The following GLIS3 variants were observed in gnomAD, a reference collection of about 807,000 sequenced individuals.
The protein encoded by GLIS3 is zinc finger protein GLIS3.
A neutral mutation model predicts 78.6 loss-of-function variants in GLIS3; 53 were observed. The ratio of observed to expected loss-of-function variants is 0.67; its 90% CI spans 0.54 to 0.85. The LOEUF is 0.85. GLIS3 is among the 40% of genes least tolerant of loss of function. GLIS3 has a pLI of 0.00. For synonymous variants in GLIS3, 684 were observed against 509.9 expected, an observed-to-expected ratio of 1.34 and a Z score of -4.60; for missense variants, 1,703 against 1,231.1, an observed-to-expected ratio of 1.38 and a Z score of -5.74.
At chr9:3,978,609 A>T (rs1818974829) in intron 4 of GLIS3, among the ~76,000 whole-genome samples, 1 of 151,994 alleles carries the variant, frequency 6.6e-6, no homozygotes, top group African/African-American at 2.4e-5. Context: ...TTATTTTGCA[A>T]TGTTATGTGT....
At chr9:4,300,142 G>A (rs1816999980), upstream of GLIS3, among the ~76,000 whole-genome samples, 1 of 151,658 alleles carries the variant, frequency 6.6e-6, no homozygotes, top group South Asian at 2.1e-4. Context: ...GAAGAGTGGG[G>A]GCGGGCTCGC....
chr9:4,469,418 G>C, the GLIS3 span, among the ~76,000 whole-genome samples: 1 of 152,142 alleles, frequency 6.6e-6, no homozygotes, highest in Non-Finnish European at 1.5e-5. Flanking sequence ...TAAAAGAACA[G>C]AAATTATAAC....
At chr9:3,858,028 G>T (rs960423907) in intron 8 of GLIS3, among the ~76,000 whole-genome samples, 3 of 152,128 alleles carry the variant, frequency 2.0e-5, no homozygotes, top group Admixed American at 6.5e-5. Flanking sequence ...AGATGGAGGC[G>T]GGAAGGATCT....
chr9:3,976,265 G>A (rs1032453605), intron 4 of GLIS3, among the ~76,000 whole-genome samples: 3 of 151,936 alleles, frequency 2.0e-5, no homozygotes, highest in Non-Finnish European at 4.4e-5. Flanking sequence ...AGGGGAGGCA[G>A]GTTACCTTCC....
the GLIS3 span, among the ~76,000 whole-genome samples, chr9:4,379,359 A>C: frequency 2.6e-5 from 4 of 152,254 alleles, no homozygotes; most frequent in African/African-American, 9.6e-5. Flanking sequence ...TTAAAATGTT[A>C]TAATTTCTCA....
In GLIS3 at chr9:4,118,248, G is replaced by A. The variant is rs1009493092; in HGVS notation, c.1230C>T (p.His410=). The change falls in exon 4 of 11, where the codon CAC becomes CAT. Residue 410 remains histidine, a synonymous_variant. Coordinates refer to ENST00000381971, the MANE Select transcript of GLIS3 (RefSeq NM_001042413.2). The surrounding 1 kb of genome is among the most constrained non-coding windows in gnomAD (Gnocchi z 4.7). ...HGGLQPGLVN[H]MVVQHGLPGP... Reference sequence around the variant, plus strand: ...CCGGCAGGCCATGCTGCACCACCATGTGGTTGACCAGGCCTGGCTGCAGGC... The same window carrying A: ...CCGGCAGGCCATGCTGCACCACCATATGGTTGACCAGGCCTGGCTGCAGGC... 1.3e-6 allele frequency: 2 copies of A among 1,591,306 alleles called. No homozygotes were observed. Among genetic ancestry groups the A allele is most frequent in the Admixed American group, 1.7e-5 (1 of 57,480 alleles).
intron 2 of GLIS3, among the ~76,000 whole-genome samples, chr9:4,332,626 C>G (rs530816741): frequency 6.6e-6 from 1 of 152,316 alleles, no homozygotes; most frequent in East Asian, 1.9e-4. Flanking sequence ...TTAGGGCAGA[C>G]AACAGTATAC....
At chr9:4,392,785 C>T in the GLIS3 span, among the ~76,000 whole-genome samples, 7 of 152,168 alleles carry the variant, frequency 4.6e-5, no homozygotes, top group Admixed American at 6.5e-5. Context: ...GCCCTATTCT[C>T]TGAGTCAATC....
At chr9:4,340,188 TTTTAATTACCACAG>T (rs1284925228) in intron 2 of GLIS3, among the ~76,000 whole-genome samples, 1 of 151,964 alleles carries the variant, frequency 6.6e-6, no homozygotes, top group Non-Finnish European at 1.5e-5. Flanking sequence ...CATGGCCAAC[TTTTAATTACCACAG>T]GGGAACAGAG....
chr9:3,953,739 T>C (rs1041919096), intron 4 of GLIS3, among the ~76,000 whole-genome samples: 14 of 150,474 alleles, frequency 9.3e-5, no homozygotes, highest in South Asian at 8.5e-4. Context: ...TGGAGGAATA[T>C]TGCCAATGAT....
chr9:4,206,055 G>C (rs1189586490), intron 2 of GLIS3, among the ~76,000 whole-genome samples: 2 of 152,154 alleles, frequency 1.3e-5, no homozygotes, highest in Non-Finnish European at 2.9e-5. Flanking sequence ...GAAGAGAAGA[G>C]TTGAAGGTAT....
intron 3 of GLIS3, among the ~76,000 whole-genome samples, chr9:4,123,102 G>C (rs1472278684): frequency 6.6e-6 from 1 of 151,908 alleles, no homozygotes; most frequent in Non-Finnish European, 1.5e-5. Flanking sequence ...CCCAAAGGAG[G>C]TCAAAAGAAA....
At chr9:4,383,225 C>T in the GLIS3 span, among the ~76,000 whole-genome samples, 1 of 152,216 alleles carries the variant, frequency 6.6e-6, no homozygotes, top group Admixed American at 6.5e-5. Context: ...TTCTGTAGAA[C>T]AAGTTTCAGA....
At chr9:4,208,955 T>C (rs976323836) in intron 2 of GLIS3, among the ~76,000 whole-genome samples, 1 of 152,354 alleles carries the variant, frequency 6.6e-6, no homozygotes, top group East Asian at 1.9e-4. Context: ...GCTTCTCTGA[T>C]GGTGCACTTC....
At chr9:4,163,678 A>G (rs141132294) in intron 2 of GLIS3, among the ~76,000 whole-genome samples, 1,752 of 152,332 alleles carry the variant, frequency 0.012, 37 homozygotes, top group African/African-American at 0.041. Flanking sequence ...GCTACACTTC[A>G]GTATTCTGAA....
At chr9:4,447,286 A>G in the GLIS3 span, among the ~76,000 whole-genome samples, 2 of 151,864 alleles carry the variant, frequency 1.3e-5, no homozygotes, top group African/African-American at 4.8e-5. Flanking sequence ...GGCTTAATCA[A>G]TCCTCCTGCC....
At chr9:4,366,175 T>G in the GLIS3 span, among the ~76,000 whole-genome samples, 1 of 152,226 alleles carries the variant, frequency 6.6e-6, no homozygotes, top group Non-Finnish European at 1.5e-5. Context: ...CGTCCTTAAT[T>G]TGGTCTATCC....
intron 2 of GLIS3, among the ~76,000 whole-genome samples, chr9:4,235,537 C>G (rs1251133653): frequency 6.6e-6 from 1 of 152,124 alleles, no homozygotes; most frequent in African/African-American, 2.4e-5. Flanking sequence ...CCAAACAGAG[C>G]AGAAGAATTC....
intron 4 of GLIS3, among the ~76,000 whole-genome samples, chr9:4,020,344 A>T (rs1012884775): frequency 6.6e-6 from 1 of 152,032 alleles, no homozygotes; most frequent in Non-Finnish European, 1.5e-5. Context: ...GACTGGTGCA[A>T]AAAAGGCTTG....
Sources: allele counts gnomAD v4.1 joint callset (sites outside exome capture counted in the v4.1 genomes callset), GRCh38; gene constraint gnomAD v4.1.1; non-coding constraint Gnocchi (gnomAD v3.1); transcripts MANE v1.5; gene names NCBI Gene and HGNC (gene_info 2026-07-23, HGNC 2026-07-21).